The following SGMS1 variants were observed in gnomAD, a reference collection of about 807,000 sequenced individuals.
SGMS1 encodes the protein phosphatidylcholine:ceramide cholinephosphotransferase 1.
SGMS1 carries 13 observed loss-of-function variants against 46.2 expected under a neutral mutation model. That is an observed-to-expected ratio of 0.28 (90% CI 0.18 to 0.45). The LOEUF is 0.45. Among genes scored for constraint, SGMS1 ranks in the 20% least tolerant of loss-of-function variants. SGMS1 has a pLI of 1.00. For missense variants in SGMS1, 324 were observed against 519.9 expected (o/e 0.62, Z 3.66); for synonymous variants, 203 against 187.8 (o/e 1.08, Z -0.66).
chr10:50,423,303 T>TC (rs56255424), intron 6 of SGMS1, among the ~76,000 whole-genome samples: 1 of 151,328 alleles, frequency 6.6e-6, no homozygotes, highest in Non-Finnish European at 1.5e-5. Flanking sequence ...CCCACTTAAT[T>TC]TAGCTCTGCA....
At chr10:50,490,318 T>C (rs1266174144) in intron 3 of SGMS1, among the ~76,000 whole-genome samples, 2 of 152,170 alleles carry the variant, frequency 1.3e-5, no homozygotes, top group Non-Finnish European at 2.9e-5. Flanking sequence ...AGAGGTGATA[T>C]AGTATAAGGG....
intron 5 of SGMS1, among the ~76,000 whole-genome samples, chr10:50,436,410 A>G (rs1849474693): frequency 6.6e-6 from 1 of 152,192 alleles, no homozygotes; most frequent in Non-Finnish European, 1.5e-5. Flanking sequence ...ATTTGGTGGA[A>G]GACACTGTGC....
rs111862272 is a variant in SGMS1 at position 50,321,544 on chromosome 10, G to A, written c.741+5661C>T. Among the ~76,000 whole-genome samples, 662 of 152,166 alleles carry A rather than the reference G, an allele frequency of 4.4e-3. 4 individuals are homozygous for A. Among genetic ancestry groups the A allele is most frequent in the African/African-American group, 0.014 (586 of 41,518 alleles). ...CGTTACTGGAAAGTATATGCAAGAAGCAGAAAAAAAAGAATTGAGAACAAA... is the reference window on the plus strand; with the variant it reads ...CGTTACTGGAAAGTATATGCAAGAAACAGAAAAAAAAGAATTGAGAACAAA... On this transcript the variant is annotated intron_variant, in intron 8 of 10. Coordinates refer to ENST00000361781, the MANE Select transcript of SGMS1 (RefSeq NM_147156.4).
intron 1 of SGMS1, among the ~76,000 whole-genome samples, chr10:50,593,102 C>T (rs1838558097): frequency 6.6e-6 from 1 of 152,194 alleles, no homozygotes; most frequent in African/African-American, 2.4e-5. Flanking sequence ...GATATGAGGA[C>T]ACGCTCAAGA....
At chr10:50,525,832 G>A (rs1310653091) in intron 2 of SGMS1, among the ~76,000 whole-genome samples, 1 of 152,188 alleles carries the variant, frequency 6.6e-6, no homozygotes, top group African/African-American at 2.4e-5. Flanking sequence ...TCAGCTTTAA[G>A]ACAATGACTT....
chr10:50,327,512 T>TA (rs1398060062), intron 7 of SGMS1, among the ~76,000 whole-genome samples, 190 bp from the exon 8 acceptor site: 3 of 152,218 alleles, frequency 2.0e-5, no homozygotes, highest in Non-Finnish European at 2.9e-5. Context: ...TGGTGCTTTT[T>TA]AAAAAATATA....
rs200104302 is a variant in SGMS1, at chr10:50,495,075, A to T, written c.-498+24756T>A. On this transcript the variant is annotated intron_variant, in intron 3 of 10. Coordinates refer to ENST00000361781, the MANE Select transcript of SGMS1 (RefSeq NM_147156.4). ...AATAAAAAAAAATACAAAAAATACA[A>T]AAAAAAAAAAAAATTAGCCGGACGT... is the stretch of plus-strand genomic sequence containing the variant. Among the ~76,000 whole-genome samples the T allele has an allele frequency of 6.6e-4, 93 of 141,236 alleles. 3 individuals are homozygous for T. Among genetic ancestry groups the T allele is most frequent in the Middle Eastern group, 3.5e-3 (1 of 286 alleles). The allele number at this position is 141,236 out of a possible 152,430, so 92.7% of individuals were successfully genotyped here. A position where few individuals can be genotyped will look rare whatever the true frequency, so the allele number is the denominator to read the frequency against.
intron 6 of SGMS1, among the ~76,000 whole-genome samples, chr10:50,397,709 G>A (rs539203268): frequency 6.6e-5 from 10 of 152,236 alleles, no homozygotes; most frequent in Non-Finnish European, 8.8e-5. Context: ...TGCCTTTCCC[G>A]TTTGCCAATG....
chr10:50,383,506 G>T (rs960339316), intron 6 of SGMS1, among the ~76,000 whole-genome samples: 1 of 152,112 alleles, frequency 6.6e-6, no homozygotes, highest in African/African-American at 2.4e-5. Context: ...CGCTTGTACA[G>T]GAAAGTTTGG....
intron 2 of SGMS1, among the ~76,000 whole-genome samples, chr10:50,563,923 G>T (rs1240523645): frequency 6.6e-6 from 1 of 152,174 alleles, no homozygotes; most frequent in African/African-American, 2.4e-5. Context: ...GAGCAGCCTG[G>T]ATGATGGCTC....
At chr10:50,512,256 T>C (rs1239552285) in intron 3 of SGMS1, among the ~76,000 whole-genome samples, 1 of 151,806 alleles carries the variant, frequency 6.6e-6, no homozygotes, top group Non-Finnish European at 1.5e-5. Context: ...ACAAGACTTC[T>C]CCATACATGA....
intron 6 of SGMS1, among the ~76,000 whole-genome samples, chr10:50,400,098 A>T (rs1178615238): frequency 6.6e-6 from 1 of 151,420 alleles, no homozygotes; most frequent in Non-Finnish European, 1.5e-5. Flanking sequence ...AATGGTTTTC[A>T]CTGGTTAGAT....
At chr10:50,466,349 G>C (rs1837329181) in intron 4 of SGMS1, among the ~76,000 whole-genome samples, 1 of 151,822 alleles carries the variant, frequency 6.6e-6, no homozygotes, top group Admixed American at 6.6e-5. Context: ...GAGGGAGGAA[G>C]GGAGAAAGAC....
chr10:50,415,269 C>A lies in SGMS1; in HGVS notation c.-232+18207G>T, dbSNP rs9943298. 9.7e-3 allele frequency among the ~76,000 whole-genome samples: 1,471 copies of A among 152,240 alleles called. 16 individuals carry two copies. The highest frequency in any genetic ancestry group is 0.033 in the African/African-American group (1,367 of 41,492). ...TAGCAAACATACGCTACATACTGAT[C>A]ATCACTTTTATTTTTGTAAGTGATT... On this transcript the variant is annotated intron_variant, in intron 6 of 10. Transcript: ENST00000361781.
At chr10:50,504,995 G>A (rs1183254273) in intron 3 of SGMS1, among the ~76,000 whole-genome samples, 1 of 152,152 alleles carries the variant, frequency 6.6e-6, no homozygotes, top group Admixed American at 6.5e-5. Context: ...CAAGGCAGGA[G>A]GCCAGGAATT....
chr10:50,375,407 C>G (rs1589413449), intron 6 of SGMS1, among the ~76,000 whole-genome samples: 1 of 152,298 alleles, frequency 6.6e-6, no homozygotes, highest in Non-Finnish European at 1.5e-5. Context: ...TTTTAAGAGT[C>G]AGGCATTACC....
chr10:50,541,367 G>A (rs1322627885), intron 2 of SGMS1, among the ~76,000 whole-genome samples: 1 of 152,150 alleles, frequency 6.6e-6, no homozygotes, highest in Non-Finnish European at 1.5e-5. Context: ...TATTGAAAAT[G>A]TTTCTTAAGG....
chr10:50,432,368 C>T (rs931526161), intron 6 of SGMS1, among the ~76,000 whole-genome samples: 2 of 152,196 alleles, frequency 1.3e-5, no homozygotes. Flanking sequence ...TTTGTAACTA[C>T]TGTATCTGGT....
At chr10:50,322,471 A>C (rs1188259299) in intron 8 of SGMS1, among the ~76,000 whole-genome samples, 1 of 152,356 alleles carries the variant, frequency 6.6e-6, no homozygotes, top group Admixed American at 6.5e-5. Flanking sequence ...GAAGCTTACA[A>C]CACCAAAGAA....
Sources: allele counts gnomAD v4.1 joint callset (sites outside exome capture counted in the v4.1 genomes callset), GRCh38; gene constraint gnomAD v4.1.1; transcripts MANE v1.5; gene names NCBI Gene and HGNC (gene_info 2026-07-23, HGNC 2026-07-21).